The following HAPSTR1 variants were observed in gnomAD, a reference collection of about 807,000 sequenced individuals.
The protein encoded by HAPSTR1 is HUWE1 associated protein modifying stress responses.
chr16:9,093,195 A>G, the HAPSTR1 span, among the ~76,000 whole-genome samples: 581 of 152,116 alleles, frequency 3.8e-3, 2 homozygotes, highest in Non-Finnish European at 7.2e-3. Flanking sequence ...GCCCCCCGGG[A>G]CAGATGGCAA....
the HAPSTR1 span, chr16:9,105,931 C>T: frequency 1.3e-5 from 2 of 152,184 alleles, no homozygotes; most frequent in South Asian, 2.1e-4. Context: ...TTACCCCTAC[C>T]CCCATCAAAT....
chr16:9,092,059 G>T, the HAPSTR1 span: 1 of 1,525,648 alleles, frequency 6.6e-7, no homozygotes, highest in Non-Finnish European at 8.8e-7. Flanking sequence ...AGGAGCGGAA[G>T]GAGGAGGGCG....
chr16:9,116,643 C>CT, the HAPSTR1 span: 1 of 1,605,850 alleles, frequency 6.2e-7, no homozygotes, highest in Non-Finnish European at 8.5e-7. Context: ...TTGAGCAACT[C>CT]TAAAACCTTT....
the HAPSTR1 span, chr16:9,117,260 CT>C: frequency 0.27 from 48,893 of 180,930 alleles, 4,542 homozygotes; most frequent in Non-Finnish European, 0.3. Flanking sequence ...TTATAGAATG[CT>C]TTTTTTTTTT....
At chr16:9,092,113 G>A in the HAPSTR1 span, 25 of 1,549,972 alleles carry the variant, frequency 1.6e-5, no homozygotes, top group Admixed American at 2.0e-5. Context: ...GGTTCTCCAA[G>A]TGGGAGCGGC....
At chr16:9,112,741 A>G in the HAPSTR1 span, 3 of 152,226 alleles carry the variant, frequency 2.0e-5, no homozygotes, top group Non-Finnish European at 4.4e-5. Context: ...TATAACCTGG[A>G]CTGTAAGTTT....
chr16:9,118,799 C>G, the HAPSTR1 span: 1 of 152,594 alleles, frequency 6.6e-6, no homozygotes, highest in East Asian at 1.9e-4. Flanking sequence ...TCACAAGTGG[C>G]CAGAACTCCT....
At chr16:9,092,161 C>G in the HAPSTR1 span, 1 of 1,567,574 alleles carries the variant, frequency 6.4e-7, no homozygotes, top group Non-Finnish European at 8.6e-7. Context: ...AGCAGCTGCC[C>G]CCCGAGCTGC....
At chr16:9,097,109 T>G in the HAPSTR1 span, among the ~76,000 whole-genome samples, 13 of 152,174 alleles carry the variant, frequency 8.5e-5, 1 homozygote, top group East Asian at 2.5e-3. Context: ...CAGGCTACTT[T>G]TTGTATGTTT....
At chr16:9,096,355 T>C in the HAPSTR1 span, among the ~76,000 whole-genome samples, 436 of 152,212 alleles carry the variant, frequency 2.9e-3, 2 homozygotes, top group African/African-American at 9.8e-3. Context: ...AAAATTTTTT[T>C]TGTGTTGAAA....
chr16:9,100,110 C>G, the HAPSTR1 span, among the ~76,000 whole-genome samples: 2 of 152,186 alleles, frequency 1.3e-5, no homozygotes, highest in Admixed American at 1.3e-4. Context: ...CTAGGACCTT[C>G]TAGTCTGTAA....
chr16:9,104,833 T>TA, the HAPSTR1 span: 1 of 152,208 alleles, frequency 6.6e-6, no homozygotes, highest in East Asian at 1.9e-4. Flanking sequence ...GAGGTGTACA[T>TA]AGTTTGTTAG....
the HAPSTR1 span, chr16:9,092,826 T>A: frequency 7.7e-7 from 1 of 1,304,566 alleles, no homozygotes; most frequent in Non-Finnish European, 1.1e-6. Context: ...CCGGAGTGAT[T>A]GACGCGCAAA....
the HAPSTR1 span, among the ~76,000 whole-genome samples, chr16:9,093,289 A>G: frequency 2.0e-5 from 3 of 152,176 alleles, no homozygotes; most frequent in Non-Finnish European, 4.4e-5. Flanking sequence ...AAGGTCCTGC[A>G]GTGCCCAAGA....
At chr16:9,092,343 A>G in the HAPSTR1 span, 2 of 1,226,436 alleles carry the variant, frequency 1.6e-6, no homozygotes, top group Non-Finnish European at 2.0e-6. Flanking sequence ...CTATCGGCTC[A>G]GCGGCCGCTT....
the HAPSTR1 span, chr16:9,117,771 TAGTG>T: frequency 1.3e-5 from 2 of 152,522 alleles, no homozygotes; most frequent in Non-Finnish European, 2.9e-5. Flanking sequence ...GGTTCAGTAT[TAGTG>T]AGAGGGAGAG....
chr16:9,099,198 CTTTTT>C, the HAPSTR1 span, among the ~76,000 whole-genome samples: 2 of 147,670 alleles, frequency 1.4e-5, no homozygotes, highest in Admixed American at 6.8e-5. Context: ...AGTTCATTTT[CTTTTT>C]TTTTTCTTTT....
At chr16:9,104,063 C>T in the HAPSTR1 span, 1 of 151,646 alleles carries the variant, frequency 6.6e-6, no homozygotes, top group Non-Finnish European at 1.5e-5. Flanking sequence ...AAAGATGGAT[C>T]ACGCAGATGG....
At chr16:9,116,361 A>G in the HAPSTR1 span, among the ~76,000 whole-genome samples, 1 of 152,210 alleles carries the variant, frequency 6.6e-6, no homozygotes, top group Non-Finnish European at 1.5e-5. Context: ...AATTTTGTGC[A>G]GTACCTACCT....
Sources: gnomAD v4.1 joint callset for allele counts (sites outside exome capture counted in the v4.1 genomes callset) on GRCh38, gnomAD v4.1.1 for gene constraint, MANE v1.5 for transcripts, NCBI Gene and HGNC (gene_info 2026-07-23, HGNC 2026-07-21) for gene names.